The following ARL17A variants were observed in gnomAD, a reference collection of about 807,000 sequenced individuals.
The protein encoded by ARL17A is ARF like GTPase 17A.
At chr17:46,522,549 A>G (rs1478659453) in intron 3 of ARL17A, among the ~76,000 whole-genome samples, 3 of 78,302 alleles carry the variant, frequency 3.8e-5, no homozygotes, top group Non-Finnish European at 7.3e-5. Flanking sequence ...GGTTCATGCC[A>G]TTCTCCTGCC....
At chr17:46,541,794 G>A (rs2055371238) in intron 3 of ARL17A, among the ~76,000 whole-genome samples, 2 of 150,980 alleles carry the variant, frequency 1.3e-5, no homozygotes, top group Non-Finnish European at 2.9e-5. Flanking sequence ...GAGTATACCT[G>A]AGGCTGTATA....
intron 2 of ARL17A, among the ~76,000 whole-genome samples, chr17:46,572,934 TGGGAG>T (rs1220581035): frequency 1.3e-4 from 12 of 90,202 alleles, no homozygotes; most frequent in African/African-American, 3.2e-4. Context: ...GAGACAGAGA[TGGGAG>T]GGGAGGGGAG....
At chr17:46,521,225 T>C (rs1317408395) in intron 3 of ARL17A, among the ~76,000 whole-genome samples, 1 of 58,950 alleles carries the variant, frequency 1.7e-5, no homozygotes, top group African/African-American at 5.7e-5. Flanking sequence ...ATTCTTACCC[T>C]TTGTCCATAG....
chr17:46,532,856 T>C (rs1253675315), intron 4 of ARL17A, among the ~76,000 whole-genome samples: 2 of 149,510 alleles, frequency 1.3e-5, no homozygotes, highest in Non-Finnish European at 1.5e-5. Flanking sequence ...ATCCTAGCAC[T>C]TTGGGAGGCT....
intron 3 of ARL17A, among the ~76,000 whole-genome samples, chr17:46,539,118 G>A (rs1360658041): frequency 1.5e-5 from 1 of 67,486 alleles, no homozygotes; most frequent in Non-Finnish European, 3.7e-5. Flanking sequence ...GGCTAAGGCA[G>A]GAGAATTGCT....
the ARL17A span, among the ~76,000 whole-genome samples, chr17:46,502,420 G>A: frequency 1.3e-5 from 2 of 150,998 alleles, no homozygotes; most frequent in Non-Finnish European, 2.9e-5. Context: ...TCCTGTCTCA[G>A]CCTCCCAAGT....
At chr17:46,521,470 A>G (rs2052272958) in intron 3 of ARL17A, among the ~76,000 whole-genome samples, 1 of 55,126 alleles carries the variant, frequency 1.8e-5, no homozygotes, top group Non-Finnish European at 4.5e-5. Context: ...CTTTATTTCC[A>G]TGTGTCAGTT....
At chr17:46,558,892 G>T (rs2057453457) in intron 3 of ARL17A, 1 of 94,300 alleles carries the variant, frequency 1.1e-5, no homozygotes, top group East Asian at 3.6e-4. Context: ...TGCCCAGGCT[G>T]GTTTTGAACT....
At chr17:46,525,695 A>G (rs2052649371), downstream of ARL17A, among the ~76,000 whole-genome samples, 1 of 117,758 alleles carries the variant, frequency 8.5e-6, no homozygotes, top group Non-Finnish European at 1.9e-5. Context: ...AAAACACTGG[A>G]ATCACAGTTG....
chr17:46,537,161 CTTTTTTTTT>C (rs1212155417), intron 4 of ARL17A, among the ~76,000 whole-genome samples: 2 of 7,782 alleles, frequency 2.6e-4, no homozygotes, highest in Non-Finnish European at 5.0e-4. Flanking sequence ...TTGGATGTCT[CTTTTTTTTT>C]TTTTTTTTTT....
chr17:46,549,375 C>T, downstream of ARL17A: 1 of 1,556,810 alleles, frequency 6.4e-7, no homozygotes. Context: ...CAGAAGGAAC[C>T]ATCTCTGAAA....
chr17:46,525,634 T>C (rs1213233042), downstream of ARL17A, among the ~76,000 whole-genome samples: 1 of 122,952 alleles, frequency 8.1e-6, no homozygotes, highest in Non-Finnish European at 1.8e-5. Context: ...ATCATCATCA[T>C]CATCATCATC....
chr17:46,546,415 TTTG>T, intron 3 of ARL17A: 1 of 536,110 alleles, frequency 1.9e-6, no homozygotes, highest in South Asian at 2.1e-5. Flanking sequence ...ACATTAAGTA[TTTG>T]TTTTTAAACT....
the ARL17A span, among the ~76,000 whole-genome samples, chr17:46,502,297 G>T: frequency 6.6e-6 from 1 of 151,066 alleles, no homozygotes; most frequent in East Asian, 1.9e-4. Context: ...CTGTTATCTA[G>T]TTTAAGGGTC....
downstream of ARL17A, among the ~76,000 whole-genome samples, chr17:46,551,047 A>G (rs1244601236): frequency 3.3e-5 from 5 of 150,052 alleles, no homozygotes; most frequent in Admixed American, 6.6e-5. Flanking sequence ...ATCTTTTACA[A>G]AAATTTTTGG....
At chr17:46,543,726 A>G (rs1362588988) in intron 3 of ARL17A, among the ~76,000 whole-genome samples, 1 of 151,100 alleles carries the variant, frequency 6.6e-6, no homozygotes, top group Non-Finnish European at 1.5e-5. Context: ...TCCAGATGAA[A>G]GTTATACAGG....
downstream of ARL17A, among the ~76,000 whole-genome samples, chr17:46,525,555 C>T (rs1306921790): frequency 3.6e-5 from 4 of 110,450 alleles, no homozygotes; most frequent in African/African-American, 9.7e-5. Context: ...CCATTGCACT[C>T]CAGCCTGAGG....
chr17:46,533,412 CT>C (rs1161962469), intron 4 of ARL17A, among the ~76,000 whole-genome samples: 1 of 123,606 alleles, frequency 8.1e-6, no homozygotes, highest in African/African-American at 3.7e-5. Flanking sequence ...CTCCTTTATA[CT>C]GTTATTGTCA....
chr17:46,549,143 G>T (rs1180454847), downstream of ARL17A: 4 of 1,611,424 alleles, frequency 2.5e-6, no homozygotes, highest in African/African-American at 5.5e-5. Flanking sequence ...TATCTGAGTA[G>T]ACTGATGCTC....
Sources: gnomAD v4.1 joint callset for allele counts (sites outside exome capture counted in the v4.1 genomes callset) on GRCh38, gnomAD v4.1.1 for gene constraint, MANE v1.5 for transcripts, NCBI Gene and HGNC (gene_info 2026-07-23, HGNC 2026-07-21) for gene names.